BRWD1: variants seen among roughly 807,000 people sequenced by gnomAD.
The protein encoded by BRWD1 is bromodomain and WD repeat domain containing 1.
Under a neutral mutation model 251.2 loss-of-function variants are expected in BRWD1, and 82 were observed. That is an observed-to-expected ratio of 0.33 (90% confidence interval 0.27 to 0.39). The LOEUF (loss-of-function observed/expected upper bound fraction) is 0.39, where lower values mean the gene tolerates loss of function less well. BRWD1 is among the 10% of genes least tolerant of loss of function. The probability of loss-of-function intolerance (pLI) is 1.00; values close to 1 mark genes in which losing one functional copy is unlikely to be tolerated. For synonymous variants in BRWD1, 918 were observed against 902.8 expected (o/e 1.02, Z -0.30); for missense variants, 2,233 against 2,711.6 (o/e 0.82, Z 3.92).
chr21:39,188,718 C>CT lies in BRWD1; in HGVS notation c.*7540dup, dbSNP rs2031384098. On this transcript the variant is annotated 3_prime_UTR_variant, in exon 41 of 41. Transcript: ENST00000342449. ...TCTATGAAACTGATTTCACACTTCT[C>CT]TAAGATCAGTTGAGCGTTCTCCCCA... 12 of 985,316 alleles carry CT rather than the reference C, an allele frequency of 1.2e-5. No homozygotes were observed. Among genetic ancestry groups the CT allele is most frequent in the South Asian group, 4.7e-5 (1 of 21,294 alleles). 61.0% of individuals were successfully genotyped at this position (985,316 alleles called of 1,614,324 possible). A position where few individuals can be genotyped will look rare whatever the true frequency, so the allele number is the denominator to read the frequency against.
At chr21:39,255,952 C>G in intron 18 of BRWD1, 124 bp from the exon 19 acceptor site, 1 of 867,726 alleles carries the variant, frequency 1.2e-6, no homozygotes, top group East Asian at 2.7e-5. Flanking sequence ...AAGATAGTAT[C>G]TACTGAAAAA....
intron 23 of BRWD1, among the ~76,000 whole-genome samples, chr21:39,234,469 A>C (rs1243799504): frequency 2.0e-5 from 3 of 152,242 alleles, no homozygotes; most frequent in African/African-American, 7.2e-5. Context: ...TTTTGCTTTG[A>C]TAAAGATAAC....
At chr21:39,312,596 G>C (rs993546034) in intron 4 of BRWD1, 1 of 360,754 alleles carries the variant, frequency 2.8e-6, no homozygotes, top group East Asian at 5.1e-5. Context: ...CCTGCCGCAG[G>C]ACCTCCGCGA....
At chr21:39,277,195 A>G (rs570000579) in intron 11 of BRWD1, 56 bp downstream of exon 11, 3 of 1,287,340 alleles carry the variant, frequency 2.3e-6, no homozygotes, top group Admixed American at 2.1e-5. Context: ...CCCCTTAGCA[A>G]TAACAGGAAT....
Position 39,189,846 on chromosome 21 carries a change from G to A in BRWD1, c.*6413C>T. The A allele has an allele frequency of 1.0e-6, 1 of 985,336 alleles. No individual in the cohort carries two copies. The highest frequency in any genetic ancestry group is 4.7e-5 in the South Asian group (1 of 21,286). 61.0% of individuals were successfully genotyped at this position (985,336 alleles called of 1,614,324 possible). On this transcript the variant is annotated 3_prime_UTR_variant, in exon 41 of 41. Transcript: ENST00000342449. Reference sequence around the variant, plus strand: ...GTTAGGGTACAAGCTTAAGAACTCTGGATGTTGCTGCTCTAACAATGCATT... The same window carrying A: ...GTTAGGGTACAAGCTTAAGAACTCTAGATGTTGCTGCTCTAACAATGCATT...
chr21:39,212,643 G>T, intron 34 of BRWD1, 23 bp downstream of exon 34: 1 of 1,517,984 alleles, frequency 6.6e-7, no homozygotes, highest in Non-Finnish European at 9.0e-7. Flanking sequence ...AACTACAAAA[G>T]TCAACCATGC....
intron 23 of BRWD1, among the ~76,000 whole-genome samples, chr21:39,234,869 G>A (rs2033754870): frequency 6.6e-6 from 1 of 152,208 alleles, no homozygotes; most frequent in Non-Finnish European, 1.5e-5. Flanking sequence ...AGAGGGAGCA[G>A]TATGGAGTAC....
chr21:39,249,828 C>T (rs2034328366), intron 20 of BRWD1, among the ~76,000 whole-genome samples: 2 of 151,654 alleles, frequency 1.3e-5, no homozygotes, highest in South Asian at 4.2e-4. Context: ...TCTGGTAAAA[C>T]ATATTTTTTA....
chr21:39,296,114 T>C (rs1164872209), intron 6 of BRWD1, 151 bp downstream of exon 6: 8 of 642,770 alleles, frequency 1.2e-5, no homozygotes, highest in Non-Finnish European at 1.9e-5. Flanking sequence ...TTAGTAATTA[T>C]TTTAACAATA....
Position 39,232,479 on chromosome 21 carries a change from G to A in BRWD1, c.2786C>T (p.Pro929Leu). The change falls in exon 24 of 41, where the codon CCA becomes CTA. Residue 929 changes from proline (P) to leucine (L), a missense_variant. Transcript: ENST00000342449. ...PKKENLRRMT[P>L]AELANMEHLY... ...ATGCTCCATATTTGCAAGCTCTGCT[G>A]GAGTCATCCTCCGCAAATTCTACCA... 6.3e-7 allele frequency: 1 copy of A among 1,589,252 alleles called. No individual in the cohort carries two copies. Among genetic ancestry groups the A allele is most frequent in the Non-Finnish European group, 8.5e-7 (1 of 1,174,448 alleles).
intron 4 of BRWD1, 92 bp downstream of exon 4, chr21:39,312,749 C>G: frequency 9.8e-7 from 1 of 1,017,332 alleles, no homozygotes; most frequent in Non-Finnish European, 1.4e-6. Context: ...TCACACTTTG[C>G]ACCCCACGGG....
intron 31 of BRWD1, chr21:39,216,709 TG>T: frequency 2.4e-6 from 1 of 420,182 alleles, no homozygotes; most frequent in Non-Finnish European, 4.7e-6. Context: ...ACCTGCTTTT[TG>T]GACTGTGTTA....
intron 20 of BRWD1, 95 bp downstream of exon 20, chr21:39,250,696 CCACTT>C (rs2034365739): frequency 1.2e-5 from 9 of 729,860 alleles, no homozygotes; most frequent in African/African-American, 3.6e-5. Context: ...AAGAAATACT[CCACTT>C]CAGATGAAAG....
intron 18 of BRWD1, among the ~76,000 whole-genome samples, chr21:39,256,911 C>T (rs2034579096): frequency 6.6e-6 from 1 of 152,200 alleles, no homozygotes; most frequent in Admixed American, 6.5e-5. Flanking sequence ...TACCAATGTG[C>T]ATTAGAGAAC....
chr21:39,273,896 G>A (rs2035197648), intron 13 of BRWD1, among the ~76,000 whole-genome samples: 1 of 152,142 alleles, frequency 6.6e-6, no homozygotes, highest in African/African-American at 2.4e-5. Flanking sequence ...TTTATTTTTA[G>A]AGAGTCTCGC....
intron 9 of BRWD1, among the ~76,000 whole-genome samples, chr21:39,279,590 G>C (rs1387412877): frequency 8.0e-6 from 1 of 125,622 alleles, no homozygotes; most frequent in African/African-American, 3.1e-5. Context: ...AGTGAGCCGA[G>C]ATCACGCCAT....
intron 4 of BRWD1, among the ~76,000 whole-genome samples, chr21:39,303,629 A>G (rs1289203866): frequency 6.6e-6 from 1 of 151,866 alleles, no homozygotes; most frequent in Non-Finnish European, 1.5e-5. Context: ...CAGGAGTTCC[A>G]GACCAGCCTG....
intron 13 of BRWD1, among the ~76,000 whole-genome samples, chr21:39,271,244 A>G (rs2035089963): frequency 6.6e-6 from 1 of 152,212 alleles, no homozygotes; most frequent in South Asian, 2.1e-4. Flanking sequence ...GTGAACCAAG[A>G]CCGCACCATT....
chr21:39,211,050 A>C (rs536128113), intron 34 of BRWD1, 121 bp from the exon 35 acceptor site: 2 of 1,006,150 alleles, frequency 2.0e-6, no homozygotes, highest in Non-Finnish European at 1.4e-6. Flanking sequence ...TGCTCTCAAC[A>C]CATTTTTCCA....
Sources: gnomAD v4.1 joint callset for allele counts (sites outside exome capture counted in the v4.1 genomes callset) on GRCh38, gnomAD v4.1.1 for gene constraint, MANE v1.5 for transcripts, NCBI Gene and HGNC (gene_info 2026-07-23, HGNC 2026-07-21) for gene names.